The following FMOD variants were observed in gnomAD, a reference collection of about 807,000 sequenced individuals.
The protein encoded by FMOD is KSPG fibromodulin.
A neutral mutation model predicts 27.0 loss-of-function variants in FMOD; 15 were observed. The ratio of observed to expected loss-of-function variants is 0.55; its 90% CI spans 0.37 to 0.85. The LOEUF is 0.85. FMOD is among the 40% of genes least tolerant of loss of function. The pLI is 0.00. For missense variants in FMOD, 460 were observed against 483.2 expected, an observed-to-expected ratio of 0.95 and a Z score of 0.45; for synonymous variants, 210 against 214.0, an observed-to-expected ratio of 0.98 and a Z score of 0.16.
intron 1 of FMOD, among the ~76,000 whole-genome samples, chr1:203,350,485 C>T (rs1252166078): frequency 6.6e-6 from 1 of 152,142 alleles, no homozygotes; most frequent in Non-Finnish European, 1.5e-5. Context: ...GAGGCCATCC[C>T]CTCACCTGGA....
intron 2 of FMOD, among the ~76,000 whole-genome samples, chr1:203,346,911 C>T (rs1389929480): frequency 6.6e-6 from 1 of 152,210 alleles, no homozygotes; most frequent in African/African-American, 2.4e-5. Context: ...AGACACGTGA[C>T]ATTTCCCAGC....
Position 203,342,446 on chromosome 1 carries a change from G to C in FMOD, c.1028C>G (p.Ser343Cys). Reference protein sequence around the residue: ...FCTVVDVVNFSKLQVLRLDGN... With the variant: ...FCTVVDVVNFCKLQVLRLDGN... ...GTCCAGGCGCAGCACCTGCAGCTTG[G>C]AGAAGTTCACGACGTCCACCACGGT... is the stretch of plus-strand genomic sequence containing the variant. The change falls in exon 3 of 3, where the codon TCC (serine) becomes TGC (cysteine). Residue 343 changes from serine (S) to cysteine (C), a missense_variant. Transcript: ENST00000354955. The C allele has an allele frequency of 6.2e-7, 1 of 1,614,188 alleles. No individual in the cohort carries two copies. Among genetic ancestry groups the C allele is most frequent in the South Asian group, 1.1e-5 (1 of 91,080 alleles).
chr1:203,344,643 C>T (rs115084802), intron 2 of FMOD, among the ~76,000 whole-genome samples: 5 of 152,170 alleles, frequency 3.3e-5, no homozygotes, highest in African/African-American at 4.8e-5. Context: ...ATCTGATTCC[C>T]CTGTGCGCCC....
intron 2 of FMOD, 92 bp from the exon 3 acceptor site, chr1:203,342,586 A>G (rs748945599): frequency 1.3e-5 from 17 of 1,339,982 alleles, no homozygotes; most frequent in Admixed American, 8.9e-5. Flanking sequence ...AGCAGCTTAG[A>G]TAAAGGGGTG....
rs781674354 is a variant in FMOD at position 203,342,317 on chromosome 1, C to A, written c.*26G>T. The stretch of plus-strand genomic sequence containing the variant: ...CAAGCCAAATGCCACGGGGGCTCTC[C>A]GCCCAGTACCCGGTGCCAGGGCTGC... On this transcript the variant is annotated 3_prime_UTR_variant, in exon 3 of 3. Coordinates refer to ENST00000354955, the MANE Select transcript of FMOD (RefSeq NM_002023.5). 6 of 1,595,346 alleles carry A rather than the reference C, an allele frequency of 3.8e-6. No homozygotes were observed. In the South Asian group the frequency reaches 5.6e-5, roughly 15 times the overall value.
rs1240444629 is a variant in FMOD, at chr1:203,340,634, C to T, written c.*1709G>A. The T allele has an allele frequency of 6.6e-6, 1 of 152,210 alleles. No homozygotes were observed. The highest frequency in any genetic ancestry group is 6.5e-5 in the Admixed American group (1 of 15,288). 9.4% of individuals were successfully genotyped at this position (152,210 alleles called of 1,614,324 possible). ...ATGACTCCACTCTTGTAGATGCAAT[C>T]ATAAAATAACTTTATTGGTCAGGTT... On this transcript the variant is annotated 3_prime_UTR_variant, in exon 3 of 3. Transcript: ENST00000354955.
chr1:203,348,288 C>T lies in FMOD; in HGVS notation c.-7-11G>A, dbSNP rs374700313. 94 of 1,605,066 alleles carry T rather than the reference C, an allele frequency of 5.9e-5. 1 individual carries two copies. Among genetic ancestry groups the T allele is most frequent in the South Asian group, 2.3e-4 (21 of 89,538 alleles). On this transcript the variant is annotated splice_polypyrimidine_tract_variant and intron_variant, in intron 1 of 2. Coordinates refer to ENST00000354955, the MANE Select transcript of FMOD (RefSeq NM_002023.5). ...CACTGCATTTTGTCTCTGCAAGAAG[C>T]GGGAGAGAACAGAGCAAGCCAGCAT...
chr1:203,345,641 G>A (rs1041378430), intron 2 of FMOD, among the ~76,000 whole-genome samples: 1 of 152,210 alleles, frequency 6.6e-6, no homozygotes, highest in African/African-American at 2.4e-5. Flanking sequence ...GCTCATGCCT[G>A]TAATCCCAGC....
At chr1:203,349,168 A>G (rs1476476105) in intron 1 of FMOD, among the ~76,000 whole-genome samples, 1 of 152,248 alleles carries the variant, frequency 6.6e-6, no homozygotes, top group East Asian at 1.9e-4. Flanking sequence ...ATGCTCCACC[A>G]TGGGCATCAT....
Position 203,347,925 on chromosome 1 carries a change from G to T in FMOD, c.346C>A (p.Gln116Lys), listed in dbSNP as rs1387978826. 7 of 1,612,078 alleles carry T rather than the reference G, an allele frequency of 4.3e-6. No homozygotes were observed. The highest frequency in any genetic ancestry group is 5.9e-6 in the Non-Finnish European group (7 of 1,178,452). The change falls in exon 2 of 3, where the codon CAG (glutamine) becomes AAG (lysine). Residue 116 changes from glutamine (Q) to lysine (K), a missense_variant. Physicochemically the swap from Gln to Lys is moderately conservative, Grantham distance 53. Transcript: ENST00000354955. ...ACGCCTTCCTGGATGGAGGTGATCT[G>T]GTTGTTCTGGAAGTACACATACTTC... ...RMKYVYFQNN[Q>K]ITSIQEGVFD...
At position 203,348,136 on chromosome 1, in the gene FMOD, G is replaced by T; in HGVS notation, c.135C>A (p.Tyr45Ter). The T allele has an allele frequency of 6.2e-7, 1 of 1,614,194 alleles. No individual in the cohort carries two copies. Among genetic ancestry groups the T allele is most frequent in the Non-Finnish European group, 8.5e-7 (1 of 1,180,026 alleles). The change falls in exon 2 of 3, where the codon TAC becomes TAA. Residue 45 changes from tyrosine (Y) to a stop codon, truncating the protein, a stop_gained. Transcript: ENST00000354955. LOFTEE classifies it high-confidence loss of function. The part of the protein sequence containing the change: ...QSTYYDPYDP[Y>*]PYETYEPYPY... ...GGTAAGGCTCGTAGGTCTCATACGG[G>T]TAAGGGTCATAGGGATCGTAGTAGG...
chr1:203,346,569 T>C (rs1658891800), intron 2 of FMOD, among the ~76,000 whole-genome samples: 1 of 151,390 alleles, frequency 6.6e-6, no homozygotes, highest in Non-Finnish European at 1.5e-5. Context: ...GGCTTGGTGG[T>C]AGTCAGGCTC....
At chr1:203,346,328 A>G (rs547240258) in intron 2 of FMOD, among the ~76,000 whole-genome samples, 1 of 152,028 alleles carries the variant, frequency 6.6e-6, no homozygotes, top group East Asian at 1.9e-4. Flanking sequence ...TGCTGACAGG[A>G]AGGGAGGTCA....
At chr1:203,348,410 G>GGCT in intron 1 of FMOD, 133 bp from the exon 2 acceptor site, 1 of 918,358 alleles carries the variant, frequency 1.1e-6, no homozygotes, top group Non-Finnish European at 1.6e-6. Flanking sequence ...GAGAGCAGGA[G>GGCT]CCTTGCTCTC....
At position 203,347,471 on chromosome 1, in the gene FMOD, GC is replaced by G; in HGVS notation, c.799del (p.Ala267ArgfsTer14). 6.2e-7 allele frequency: 1 copy of G among 1,614,098 alleles called. No individual in the cohort carries two copies. Among genetic ancestry groups the G allele is most frequent in the Non-Finnish European group, 8.5e-7 (1 of 1,180,002 alleles). On this transcript the variant is annotated frameshift_variant, in exon 2 of 3. Coordinates refer to ENST00000354955, the MANE Select transcript of FMOD (RefSeq NM_002023.5). LOFTEE classifies it high-confidence loss of function. ...CAGCCGCACATACAGCAGCTTGGGC[GC>G]CCCCCGGAAGTAGCTATCGGGGACG... is the stretch of plus-strand genomic sequence containing the variant. ...YTVPDSYFRG[A>X]PKLLYVRLSH...
Position 203,348,086 on chromosome 1 carries a change from G to A in FMOD, c.185C>T (p.Ala62Val). 3 of 1,614,144 alleles carry A rather than the reference G, an allele frequency of 1.9e-6. No individual in the cohort carries two copies. Among genetic ancestry groups the A allele is most frequent in the Non-Finnish European group, 2.5e-6 (3 of 1,179,998 alleles). ...PYPYGVDEGP[A>V]YTYGSPSPPD... ...AGGGGATGGAGAGCCGTAGGTGTAGGCTGGCCCTTCATCCACCCCATAGGG... is the reference window on the plus strand; with the variant it reads ...AGGGGATGGAGAGCCGTAGGTGTAGACTGGCCCTTCATCCACCCCATAGGG... Residue 62 changes from alanine (A) to valine (V), a missense_variant, in exon 2 of 3, where the codon GCC becomes GTC. Transcript: ENST00000354955.
At chr1:203,342,719 C>A (rs1422676680) in intron 2 of FMOD, among the ~76,000 whole-genome samples, 1 of 152,086 alleles carries the variant, frequency 6.6e-6, no homozygotes, top group Non-Finnish European at 1.5e-5. Flanking sequence ...TCCTAACCAC[C>A]AACCTGAACT....
At chr1:203,347,169 T>C in intron 2 of FMOD, 123 bp downstream of exon 2, 2 of 1,151,092 alleles carry the variant, frequency 1.7e-6, no homozygotes, top group Non-Finnish European at 2.5e-6. Flanking sequence ...GTTGTCAGGT[T>C]GCTTCATTTG....
In FMOD at chr1:203,347,921, A is replaced by T. The variant is rs749710253; in HGVS notation, c.350T>A (p.Ile117Asn). ...AAAGACGCCTTCCTGGATGGAGGTG[A>T]TCTGGTTGTTCTGGAAGTACACATA... ...MKYVYFQNNQ[I>N]TSIQEGVFDN... The change falls in exon 2 of 3, where the codon ATC becomes AAC. Residue 117 changes from isoleucine (I) to asparagine (N), a missense_variant. Ile to Asn is a moderately radical substitution (Grantham distance 149, BLOSUM62 -3). Transcript: ENST00000354955. 14 of 1,612,354 alleles carry T rather than the reference A, an allele frequency of 8.7e-6. No individual in the cohort carries two copies. The highest frequency in any genetic ancestry group is 1.2e-5 in the Non-Finnish European group (14 of 1,178,712).
Sources: gnomAD v4.1 joint callset for allele counts (sites outside exome capture counted in the v4.1 genomes callset) on GRCh38, gnomAD v4.1.1 for gene constraint, MANE v1.5 for transcripts, NCBI Gene and HGNC (gene_info 2026-07-23, HGNC 2026-07-21) for gene names.